Variants in VAV3 observed in about 807,000 individuals in gnomAD.
VAV3 encodes guanine nucleotide exchange factor VAV3.
A neutral mutation model predicts 131.2 loss-of-function variants in VAV3; 94 were observed. The ratio of observed to expected loss-of-function variants is 0.72; its 90% confidence interval spans 0.61 to 0.85. The LOEUF (loss-of-function observed/expected upper bound fraction) is 0.85, where lower values mean the gene tolerates loss of function less well. Ranked by LOEUF, VAV3 falls within the 40% of genes least tolerant of loss-of-function variation. VAV3 has a pLI of 0.00. For synonymous variants in VAV3, 349 were observed against 342.0 expected, an observed-to-expected ratio of 1.02 and a Z score of -0.22; for missense variants, 939 against 1,002.7, an observed-to-expected ratio of 0.94 and a Z score of 0.86.
chr1:107,815,669 A>G (rs1466093924), intron 2 of VAV3, among the ~76,000 whole-genome samples: 1 of 152,216 alleles, frequency 6.6e-6, no homozygotes, highest in Non-Finnish European at 1.5e-5. Flanking sequence ...TTTAAAGAAG[A>G]TAGGATATTT....
chr1:107,759,370 G>A (rs1044501034), intron 10 of VAV3, among the ~76,000 whole-genome samples: 12 of 152,106 alleles, frequency 7.9e-5, no homozygotes, highest in African/African-American at 2.9e-4. Context: ...TGTTATTAAA[G>A]TTCCCAATCA....
At chr1:107,675,320 C>T (rs1356958990) in intron 19 of VAV3, among the ~76,000 whole-genome samples, 2 of 152,150 alleles carry the variant, frequency 1.3e-5, no homozygotes, top group South Asian at 2.1e-4. Context: ...CTCATTTAAT[C>T]TTCATAATAA....
In VAV3 at chr1:107,914,021, C is replaced by T. The variant is rs141807272; in HGVS notation, c.205-39004G>A. On this transcript the variant is annotated intron_variant, in intron 1 of 26. Coordinates refer to ENST00000370056, the MANE Select transcript of VAV3 (RefSeq NM_006113.5). ...TGTTGGCCAGGCAGGTCTCAAACTC[C>T]TGACCTCAGGTGATCTGCCCGCCTT... Among the ~76,000 whole-genome samples, 980 of 152,272 alleles carry T rather than the reference C, an allele frequency of 6.4e-3. 11 individuals are homozygous for T. Among genetic ancestry groups the T allele is most frequent in the African/African-American group, 0.023 (940 of 41,540 alleles).
intron 10 of VAV3, among the ~76,000 whole-genome samples, chr1:107,759,437 C>T (rs559803227): frequency 1.4e-3 from 216 of 152,258 alleles, no homozygotes; most frequent in Non-Finnish European, 2.5e-3. Flanking sequence ...TCAAGCATTT[C>T]AAGTGATTTC....
chr1:107,919,270 C>T (rs537563596), intron 1 of VAV3, among the ~76,000 whole-genome samples: 35 of 152,216 alleles, frequency 2.3e-4, no homozygotes, highest in African/African-American at 8.4e-4. Context: ...AACTATTATA[C>T]TACTGCTCAT....
At chr1:107,787,463 C>T (rs547652386) in intron 2 of VAV3, among the ~76,000 whole-genome samples, 5 of 152,280 alleles carry the variant, frequency 3.3e-5, no homozygotes, top group African/African-American at 9.6e-5. Flanking sequence ...TGCACCCCTT[C>T]GTGGGCAGAG....
At chr1:107,905,754 A>G (rs115362812) in intron 1 of VAV3, among the ~76,000 whole-genome samples, 282 of 152,348 alleles carry the variant, frequency 1.9e-3, no homozygotes, top group Non-Finnish European at 3.4e-3. Flanking sequence ...GCTGGCTTCA[A>G]TATTGCTTTC....
intron 15 of VAV3, among the ~76,000 whole-genome samples, chr1:107,729,766 T>C (rs1662107087): frequency 1.3e-5 from 2 of 152,230 alleles, no homozygotes; most frequent in South Asian, 4.1e-4. Flanking sequence ...AATTATCTCA[T>C]TGGACTGATA....
intron 1 of VAV3, among the ~76,000 whole-genome samples, chr1:107,882,189 C>T (rs770030648): frequency 1.3e-5 from 2 of 152,104 alleles, no homozygotes; most frequent in Non-Finnish European, 2.9e-5. Flanking sequence ...ATGAGAAGGT[C>T]GGTGAGTGCT....
At chr1:107,808,482 GA>G (rs1667166775) in intron 2 of VAV3, among the ~76,000 whole-genome samples, 3 of 151,920 alleles carry the variant, frequency 2.0e-5, no homozygotes, top group East Asian at 1.9e-4. Context: ...AAGACTACTA[GA>G]AAAAAGGAAA....
At chr1:107,877,706 T>C (rs1670570865) in intron 1 of VAV3, among the ~76,000 whole-genome samples, 1 of 152,218 alleles carries the variant, frequency 6.6e-6, no homozygotes, top group Non-Finnish European at 1.5e-5. Context: ...CCTTTATTTA[T>C]GTATTTTTCA....
At chr1:107,888,434 T>TC (rs982029608) in intron 1 of VAV3, among the ~76,000 whole-genome samples, 1 of 151,974 alleles carries the variant, frequency 6.6e-6, no homozygotes. Flanking sequence ...TCAGCAGGCT[T>TC]CTTCTCTACC....
intron 2 of VAV3, among the ~76,000 whole-genome samples, chr1:107,780,295 CTTAAT>C (rs1665620749): frequency 6.6e-6 from 1 of 152,024 alleles, no homozygotes; most frequent in Non-Finnish European, 1.5e-5. Context: ...AGGAAATTGC[CTTAAT>C]TTAATTCTGA....
At chr1:107,611,783 T>A (rs1003647200) in intron 21 of VAV3, among the ~76,000 whole-genome samples, 1 of 152,140 alleles carries the variant, frequency 6.6e-6, no homozygotes, top group Non-Finnish European at 1.5e-5. Flanking sequence ...GGTGTCCCAC[T>A]AGAGCTTTTC....
At chr1:107,656,428 T>TA (rs1392638130) in intron 19 of VAV3, among the ~76,000 whole-genome samples, 1 of 152,148 alleles carries the variant, frequency 6.6e-6, no homozygotes, top group African/African-American at 2.4e-5. Context: ...TTCATGAAGA[T>TA]AGAGTATATT....
chr1:107,644,016 T>A (rs565749153), intron 19 of VAV3, among the ~76,000 whole-genome samples: 2 of 152,194 alleles, frequency 1.3e-5, no homozygotes, highest in East Asian at 3.9e-4. Context: ...CCCAGAGGGA[T>A]GATTTTAATC....
chr1:107,729,344 T>C (rs1662076299), intron 15 of VAV3, among the ~76,000 whole-genome samples: 1 of 152,150 alleles, frequency 6.6e-6, no homozygotes, highest in Middle Eastern at 3.2e-3. Context: ...GCAAATTTGG[T>C]ATATGATAAT....
intron 2 of VAV3, among the ~76,000 whole-genome samples, chr1:107,850,939 T>C (rs1669189494): frequency 6.6e-6 from 1 of 151,956 alleles, no homozygotes; most frequent in Non-Finnish European, 1.5e-5. Context: ...GCCCTTGGCA[T>C]TGCCCTCCAC....
chr1:107,584,200 G>A, intron 25 of VAV3, among the ~76,000 whole-genome samples: 1 of 152,206 alleles, frequency 6.6e-6, no homozygotes, highest in Admixed American at 6.5e-5. Context: ...AAACTGGCTA[G>A]CCATATGTAG....
Sources: gnomAD v4.1 joint callset for allele counts (sites outside exome capture counted in the v4.1 genomes callset) on GRCh38, gnomAD v4.1.1 for gene constraint, MANE v1.5 for transcripts, NCBI Gene and HGNC (gene_info 2026-07-23, HGNC 2026-07-21) for gene names.